Variants in CEP350 observed in about 807,000 individuals in gnomAD.
CEP350 encodes centrosome-associated protein 350.
Under a neutral mutation model 331.8 loss-of-function variants are expected in CEP350, and 126 were observed. The observed-to-expected ratio is 0.38, with a 90% CI of 0.33 to 0.44. The LOEUF is 0.44. Ranked by LOEUF, CEP350 falls within the 20% of genes least tolerant of loss-of-function variation. CEP350 has a pLI of 1.00. For missense variants in CEP350, 3,406 were observed against 3,634.6 expected, an observed-to-expected ratio of 0.94 and a Z score of 1.62; for synonymous variants, 1,200 against 1,259.5, an observed-to-expected ratio of 0.95 and a Z score of 1.00.
intron 1 of CEP350, among the ~76,000 whole-genome samples, chr1:179,974,806 A>G (rs1458131912): frequency 6.6e-6 from 1 of 152,188 alleles, no homozygotes; most frequent in Non-Finnish European, 1.5e-5. Flanking sequence ...AGCCTGAGCA[A>G]CAGGAGAGAT....
At chr1:180,022,593 T>G in intron 12 of CEP350, 105 bp from the exon 13 acceptor site, 1 of 910,636 alleles carries the variant, frequency 1.1e-6, no homozygotes, top group Admixed American at 2.9e-5. Flanking sequence ...TAAAGGAAAC[T>G]AAAATGTCCC....
At chr1:180,110,197 A>G (rs1020471371) in intron 37 of CEP350, among the ~76,000 whole-genome samples, 1 of 152,206 alleles carries the variant, frequency 6.6e-6, no homozygotes, top group African/African-American at 2.4e-5. Context: ...CACATTCAGT[A>G]TTGTCTTTCG....
At chr1:179,972,276 T>G (rs1258397233) in intron 1 of CEP350, among the ~76,000 whole-genome samples, 1 of 152,014 alleles carries the variant, frequency 6.6e-6, no homozygotes, top group Non-Finnish European at 1.5e-5. Flanking sequence ...AGTATAGTGT[T>G]AGAAGCAAAA....
intron 1 of CEP350, among the ~76,000 whole-genome samples, chr1:179,955,398 C>T (rs1001700077): frequency 2.0e-5 from 3 of 152,218 alleles, no homozygotes; most frequent in Non-Finnish European, 4.4e-5. Flanking sequence ...GCCTCCTCCA[C>T]CCCTCCTCTA....
In CEP350 at chr1:180,061,845, C is replaced by T. The variant is rs147176948; in HGVS notation, c.5263-375C>T. 6.6e-3 allele frequency among the ~76,000 whole-genome samples: 1,002 copies of T among 152,076 alleles called. 14 individuals carry two copies. The highest frequency in any genetic ancestry group is 0.022 in the African/African-American group (901 of 41,474). On this transcript the variant is annotated intron_variant, in intron 25 of 37. Coordinates refer to ENST00000367607, the MANE Select transcript of CEP350 (RefSeq NM_014810.5). Reference sequence around the variant, plus strand: ...TGAGATAGTAAAACATTATAGGGGCCTAAAAGTTTAGCAATAGAATAATAG... The same window carrying T: ...TGAGATAGTAAAACATTATAGGGGCTTAAAAGTTTAGCAATAGAATAATAG...
intron 8 of CEP350, 32 bp downstream of exon 8, chr1:180,006,599 T>G (rs1414255434): frequency 9.2e-7 from 1 of 1,084,258 alleles, no homozygotes; most frequent in South Asian, 1.4e-5. Flanking sequence ...ATCCTTTTTT[T>G]TTGTTTTTAA....
intron 1 of CEP350, among the ~76,000 whole-genome samples, chr1:179,966,943 A>G (rs1276889079): frequency 6.6e-6 from 1 of 152,168 alleles, no homozygotes. Flanking sequence ...GAGTTGCTAG[A>G]AGCTTTAGTT....
At chr1:179,964,058 G>A (rs528315587) in intron 1 of CEP350, among the ~76,000 whole-genome samples, 2 of 152,056 alleles carry the variant, frequency 1.3e-5, no homozygotes, top group Admixed American at 1.3e-4. Context: ...TTATTCCTGG[G>A]TATTTTATTT....
At chr1:180,051,057 T>C (rs1485445798) in intron 22 of CEP350, among the ~76,000 whole-genome samples, 2 of 152,244 alleles carry the variant, frequency 1.3e-5, no homozygotes, top group South Asian at 2.1e-4. Flanking sequence ...TGAAAACTTA[T>C]GTCTACATAA....
At chr1:180,078,886 CTG>C (rs934074581) in intron 29 of CEP350, among the ~76,000 whole-genome samples, 2 of 152,112 alleles carry the variant, frequency 1.3e-5, no homozygotes, top group Admixed American at 6.5e-5. Flanking sequence ...GCTATCAAGT[CTG>C]TGAATATTGA....
chr1:180,106,753 GTCAT>G (rs935361714), intron 37 of CEP350, among the ~76,000 whole-genome samples: 1 of 151,714 alleles, frequency 6.6e-6, no homozygotes, highest in African/African-American at 2.4e-5. Flanking sequence ...TTAATTAGTA[GTCAT>G]TCAACCTATT....
At chr1:180,028,455 C>G (rs918174601) in intron 14 of CEP350, among the ~76,000 whole-genome samples, 2 of 152,160 alleles carry the variant, frequency 1.3e-5, no homozygotes, top group Non-Finnish European at 2.9e-5. Flanking sequence ...ACTCCCAAAT[C>G]CAGTCTATCT....
chr1:180,097,903 ATTTAT>A (rs1660569473), intron 36 of CEP350, among the ~76,000 whole-genome samples: 1 of 152,154 alleles, frequency 6.6e-6, no homozygotes, highest in South Asian at 2.1e-4. Context: ...CAATTCAGAG[ATTTAT>A]TTTATGCTTT....
intron 3 of CEP350, 24 bp downstream of exon 3, chr1:179,987,310 AT>A: frequency 7.1e-7 from 1 of 1,402,898 alleles, no homozygotes; most frequent in Non-Finnish European, 1.0e-6. Flanking sequence ...GCTTCCATTT[AT>A]TTATTTCTGG....
In CEP350 at chr1:180,037,029, AAGAGTT is replaced by A. The variant is rs2148899479; in HGVS notation, c.4055_4060del (p.Val1352_Arg1353del). The A allele has an allele frequency of 6.2e-7, 1 of 1,605,330 alleles. No individual in the cohort carries two copies. Among genetic ancestry groups the A allele is most frequent in the Non-Finnish European group, 8.5e-7 (1 of 1,175,664 alleles). Reference sequence around the variant, plus strand: ...CGGTGCGCCAACTGTCAGATGTAGAAAGAGTTAGAGGCATTTCACTTGCTCAGCAGG... The same window carrying A: ...CGGTGCGCCAACTGTCAGATGTAGAAAGAGGCATTTCACTTGCTCAGCAGG... On this transcript the variant is annotated inframe_deletion, in exon 17 of 38. Coordinates refer to ENST00000367607, the MANE Select transcript of CEP350 (RefSeq NM_014810.5).
chr1:180,078,468 G>T lies in CEP350; in HGVS notation c.5773G>T (p.Ala1925Ser). Residue 1925 changes from alanine (A) to serine (S), a missense_variant, in exon 29 of 38, where the codon GCA (alanine) becomes TCA (serine). Ala to Ser is a moderately conservative substitution (Grantham distance 99). Coordinates refer to ENST00000367607, the MANE Select transcript of CEP350 (RefSeq NM_014810.5). ...TTTTCACCTTCTCTGTCTAGAAATA[G>T]CAAGTGAAGAGGAATCTCCAGTACC... ...EDQRTEQKEI[A>S]SEEESPVPLY... is the part of the protein sequence containing the mutation. 6.2e-7 allele frequency: 1 copy of T among 1,609,126 alleles called. No individual in the cohort carries two copies.
At chr1:180,090,855 G>A (rs1000410379) in intron 33 of CEP350, 59 bp downstream of exon 33, 1 of 1,361,444 alleles carries the variant, frequency 7.3e-7, no homozygotes, top group Non-Finnish European at 9.6e-7. Context: ...TTTATGCAAA[G>A]GCCTACAAAA....
At chr1:179,965,620 T>TC (rs1423591138) in intron 1 of CEP350, among the ~76,000 whole-genome samples, 6 of 137,590 alleles carry the variant, frequency 4.4e-5, no homozygotes, top group East Asian at 2.0e-4. Context: ...CTTTTCTTTT[T>TC]TTTTTTTTTT....
chr1:179,974,041 TTC>T (rs961520411), intron 1 of CEP350, among the ~76,000 whole-genome samples: 6 of 151,560 alleles, frequency 4.0e-5, no homozygotes, highest in Middle Eastern at 3.4e-3. Context: ...CTTTATTTTT[TTC>T]TGTTTTTTTT....
Sources: allele counts gnomAD v4.1 joint callset (sites outside exome capture counted in the v4.1 genomes callset), GRCh38; gene constraint gnomAD v4.1.1; transcripts MANE v1.5; gene names NCBI Gene and HGNC (gene_info 2026-07-23, HGNC 2026-07-21).